MACF1: variants seen among roughly 807,000 people sequenced by gnomAD.
MACF1 encodes microtubule-actin cross-linking factor 1.
In MACF1, 193 loss-of-function variants were observed where a neutral mutation model predicts 854.8. The ratio of observed to expected loss-of-function variants is 0.23; its 90% CI spans 0.20 to 0.25. The LOEUF (loss-of-function observed/expected upper bound fraction) is 0.25. Among genes scored for constraint, MACF1 ranks in the 10% least tolerant of loss-of-function variants. The pLI, the probability that MACF1 is intolerant of heterozygous loss-of-function variation, is 1.00. For missense variants in MACF1, 7,722 were observed against 8,929.1 expected (o/e 0.86, Z 5.45); for synonymous variants, 3,185 against 3,226.7 (o/e 0.99, Z 0.44).
At chr1:39,087,276 G>A (rs1641695760) in intron 2 of MACF1, among the ~76,000 whole-genome samples, 1 of 152,220 alleles carries the variant, frequency 6.6e-6, no homozygotes, top group Admixed American at 6.5e-5. Flanking sequence ...GCCAAGTGGG[G>A]GTGTCTGAAT....
chr1:39,241,616 C>T (rs890022987), intron 2 of MACF1, among the ~76,000 whole-genome samples: 4 of 138,526 alleles, frequency 2.9e-5, no homozygotes, highest in Non-Finnish European at 6.0e-5. Context: ...GCTGAGATCA[C>T]ACCACTGCAT....
chr1:39,471,536 T>C (rs1644777252), intron 97 of MACF1, among the ~76,000 whole-genome samples: 1 of 152,212 alleles, frequency 6.6e-6, no homozygotes, highest in Admixed American at 6.5e-5. Context: ...TGCATGTAGC[T>C]TTTAGTCATG....
intron 97 of MACF1, among the ~76,000 whole-genome samples, chr1:39,477,075 A>ACACACACATATATACACTTAGTG (rs1331285017): frequency 0.037 from 1,902 of 51,212 alleles, 130 homozygotes; most frequent in East Asian, 0.12. Flanking sequence ...ATATATATAT[A>ACACACACATATATACACTTAGTG]TATATATATA....
At chr1:39,094,498 G>T (rs554850880) in intron 2 of MACF1, among the ~76,000 whole-genome samples, 1 of 152,056 alleles carries the variant, frequency 6.6e-6, no homozygotes, top group South Asian at 2.1e-4. Context: ...CAGGCGGGCA[G>T]ATCACCTGAG....
chr1:39,197,378 T>G (rs1644333075), intron 2 of MACF1, among the ~76,000 whole-genome samples: 1 of 152,172 alleles, frequency 6.6e-6, no homozygotes, highest in Non-Finnish European at 1.5e-5. Context: ...TAATAATAAA[T>G]GTAGGTTCAG....
intron 21 of MACF1, chr1:39,298,750 C>G (rs868794540): frequency 2.6e-6 from 1 of 386,038 alleles, no homozygotes; most frequent in Middle Eastern, 5.9e-4. Context: ...GAAAACCTGA[C>G]TTTTCAGATG....
chr1:39,406,388 C>T (rs1480228291), intron 58 of MACF1, among the ~76,000 whole-genome samples: 2 of 152,106 alleles, frequency 1.3e-5, no homozygotes, highest in African/African-American at 2.4e-5. Flanking sequence ...TGATACCTGA[C>T]TTGGTGAGGA....
intron 2 of MACF1, among the ~76,000 whole-genome samples, chr1:39,122,299 G>C (rs1642736148): frequency 6.7e-6 from 1 of 148,450 alleles, no homozygotes; most frequent in South Asian, 2.1e-4. Flanking sequence ...CTGTCACTCA[G>C]GCTGGAGTAC....
chr1:39,285,858 G>C, intron 14 of MACF1, 100 bp downstream of exon 14: 1 of 1,341,780 alleles, frequency 7.5e-7, no homozygotes, highest in Non-Finnish European at 1.0e-6. Context: ...TTTTAACCTG[G>C]ACATTTGAGG....
At chr1:39,245,905 A>G (rs1364259580) in intron 2 of MACF1, among the ~76,000 whole-genome samples, 1 of 152,172 alleles carries the variant, frequency 6.6e-6, no homozygotes, top group Non-Finnish European at 1.5e-5. Flanking sequence ...AAAACCTACC[A>G]TTAATTTATA....
At chr1:39,236,878 C>T (rs939463365) in intron 2 of MACF1, among the ~76,000 whole-genome samples, 6 of 152,092 alleles carry the variant, frequency 3.9e-5, no homozygotes, top group Non-Finnish European at 7.4e-5. Flanking sequence ...GGCCAGGCTG[C>T]TCTCCTGGGC....
Position 39,332,581 on chromosome 1 carries a change from A to T in MACF1, c.5993A>T (p.Tyr1998Phe), listed in dbSNP as rs760708463. 2.2e-5 allele frequency: 35 copies of T among 1,614,044 alleles called. No homozygotes were observed. The South Asian group carries it at 2.4e-4, about 11-fold the overall frequency. ...GAGACACTAACATCCAGAGATGAGT[A>T]TCAAACAAGTCCTCCAAAAGTGGTT... ...LMETLTSRDE[Y>F]QTSPPKVVEI... Residue 1998 changes from tyrosine (Y) to phenylalanine (F), a missense_variant, in exon 37 of 101, where the codon TAT becomes TTT. By Grantham distance (22) the Tyr-to-Phe change is conservative. Coordinates refer to ENST00000564288, the MANE Select transcript of MACF1 (RefSeq NM_001394062.1).
chr1:39,411,110 C>G, intron 58 of MACF1: 1 of 1,613,566 alleles, frequency 6.2e-7, no homozygotes, highest in Non-Finnish European at 8.5e-7. Context: ...GGGGACACAG[C>G]CTGCACTGTG....
rs1410845407 is a variant in MACF1, at chr1:39,327,219, C to A, written c.4480C>A (p.Leu1494Ile). The change falls in exon 36 of 101, where the codon CTC becomes ATC. Residue 1494 changes from leucine (L) to isoleucine (I), a missense_variant and splice_region_variant. Physicochemically the swap from Leu to Ile is conservative, Grantham distance 5 (BLOSUM62 2). Coordinates refer to ENST00000564288, the MANE Select transcript of MACF1 (RefSeq NM_001394062.1). ...AAGCTTTAATGCTTCATCTTCCAGG[C>A]TCTCAGAAAAAGAGAAGAAACAAAT... Reference protein sequence around the residue: ...QIFLAKHGHKLSEKEKKQISE... With the variant: ...QIFLAKHGHKISEKEKKQISE... The A allele has an allele frequency of 1.3e-6, 2 of 1,565,108 alleles. No individual in the cohort carries two copies. Among genetic ancestry groups the A allele is most frequent in the South Asian group, 1.2e-5 (1 of 86,120 alleles).
At chr1:39,388,795 C>G in intron 58 of MACF1, 137 bp downstream of exon 58, 1 of 713,256 alleles carries the variant, frequency 1.4e-6, no homozygotes, top group Non-Finnish European at 2.1e-6. Flanking sequence ...AGCACACTGT[C>G]TGAAGACTAA....
chr1:39,323,192 A>G (rs1332438992), intron 33 of MACF1, among the ~76,000 whole-genome samples, 184 bp downstream of exon 33: 1 of 152,100 alleles, frequency 6.6e-6, no homozygotes, highest in Non-Finnish European at 1.5e-5. Flanking sequence ...ATATTTAAAA[A>G]TTAGCTGGGC....
rs1646455281 is a variant in MACF1, at chr1:39,318,465, A to G, written c.3795A>G (p.Leu1265=). 6.2e-7 allele frequency: 1 copy of G among 1,613,936 alleles called. No individual in the cohort carries two copies. The highest frequency in any genetic ancestry group is 2.2e-5 in the East Asian group (1 of 44,890). The change falls in exon 30 of 101, where the codon CTA becomes CTG. Residue 1265 remains leucine (L), a synonymous_variant. Coordinates refer to ENST00000564288, the MANE Select transcript of MACF1 (RefSeq NM_001394062.1). ...TTTGTTCTTCTAGCCAATCTGAGCT[A>G]GAAAGTATCCAGGAAGTTCTGGGAG... The part of the protein sequence containing the change: ...IAQLEIRQSE[L]ESIQEVLGDY...
rs79373867 is a variant in MACF1, at chr1:39,349,062, A to G, written c.10816-416A>G. Among the ~76,000 whole-genome samples the G allele has an allele frequency of 4.2e-3, 640 of 152,268 alleles. 3 individuals carry two copies. The highest frequency in any genetic ancestry group is 0.015 in the African/African-American group (609 of 41,552). On this transcript the variant is annotated intron_variant, in intron 41 of 100. Transcript: ENST00000564288. ...GTCTTTGATTTTTCTTTCTACTCCAATTCTTCTACTTTTGCATATTATGTA... is the reference window on the plus strand; with the variant it reads ...GTCTTTGATTTTTCTTTCTACTCCAGTTCTTCTACTTTTGCATATTATGTA...
At chr1:39,269,605 T>C in intron 6 of MACF1, 2 of 1,289,748 alleles carry the variant, frequency 1.6e-6, no homozygotes, top group African/African-American at 3.0e-5. Context: ...GGGCCACACA[T>C]ACATGGGATC....
Sources: allele counts gnomAD v4.1 joint callset (sites outside exome capture counted in the v4.1 genomes callset), GRCh38; gene constraint gnomAD v4.1.1; transcripts MANE v1.5; gene names NCBI Gene and HGNC (gene_info 2026-07-23, HGNC 2026-07-21).